The following LINS1 variants were observed in gnomAD, a reference collection of about 807,000 sequenced individuals.
The protein encoded by LINS1 is protein Lines homolog 1.
LINS1 carries 27 observed loss-of-function variants against 41.6 expected under a neutral mutation model. The observed-to-expected ratio is 0.65, with a 90% CI of 0.48 to 0.89. The LOEUF is 0.89. Among genes scored for constraint, LINS1 ranks in the 40% least tolerant of loss-of-function variants. The pLI is 0.00. For missense variants in LINS1, 955 were observed against 884.1 expected, an observed-to-expected ratio of 1.08 and a Z score of -1.02; for synonymous variants, 336 against 312.9, an observed-to-expected ratio of 1.07 and a Z score of -0.78.
chr15:100,583,708 A>G (rs2038673244), intron 1 of LINS1, among the ~76,000 whole-genome samples: 1 of 152,214 alleles, frequency 6.6e-6, no homozygotes, highest in Non-Finnish European at 1.5e-5. Context: ...CCCTTGTTTT[A>G]TTAATCCCTA....
intron 1 of LINS1, among the ~76,000 whole-genome samples, chr15:100,599,099 T>C (rs7176842): frequency 0.32 from 49,440 of 152,142 alleles, 9,271 homozygotes; most frequent in Non-Finnish European, 0.44. Flanking sequence ...TCAATTCTGA[T>C]TGAGTCAGGG....
chr15:100,595,299 A>C (rs1207450651), intron 1 of LINS1, among the ~76,000 whole-genome samples: 1 of 151,492 alleles, frequency 6.6e-6, no homozygotes, highest in East Asian at 1.9e-4. Context: ...GCACATGACT[A>C]GTACCTAGAA....
intron 1 of LINS1, among the ~76,000 whole-genome samples, chr15:100,592,853 T>C (rs2039097042): frequency 6.6e-6 from 1 of 152,234 alleles, no homozygotes; most frequent in Non-Finnish European, 1.5e-5. Context: ...TAGGCTGTTT[T>C]ATTGTGATCA....
At chr15:100,579,365 C>G (rs1462380013) in intron 3 of LINS1, among the ~76,000 whole-genome samples, 1 of 148,412 alleles carries the variant, frequency 6.7e-6, no homozygotes, top group Non-Finnish European at 1.5e-5. Context: ...ACTGTGGCCC[C>G]TTTACTTCAA....
At chr15:100,574,815 C>A (rs1391342290) in intron 4 of LINS1, among the ~76,000 whole-genome samples, 172 bp downstream of exon 4, 1 of 152,076 alleles carries the variant, frequency 6.6e-6, no homozygotes, top group East Asian at 1.9e-4. Context: ...TTTCCTTATA[C>A]TTTTTTTTCT....
At chr15:100,593,156 G>T (rs999257892) in intron 1 of LINS1, among the ~76,000 whole-genome samples, 1 of 152,156 alleles carries the variant, frequency 6.6e-6, no homozygotes, top group African/African-American at 2.4e-5. Flanking sequence ...CTGACGGAGG[G>T]TGCACAGGAT....
At chr15:100,570,152 G>A (rs1432173174) in intron 6 of LINS1, 35 bp from the exon 7 acceptor site, 2 of 1,484,826 alleles carry the variant, frequency 1.3e-6, no homozygotes, top group South Asian at 1.2e-5. Context: ...GCAGATTAAT[G>A]ACCTTACAAA....
intron 3 of LINS1, among the ~76,000 whole-genome samples, chr15:100,578,623 C>T (rs1424848433): frequency 1.3e-5 from 2 of 152,188 alleles, no homozygotes; most frequent in African/African-American, 4.8e-5. Context: ...GTGGCGATTC[C>T]TCAGGGATCT....
rs770055415 is a variant in LINS1, at chr15:100,569,609, A to AGCC, written c.1902_1903insGGC (p.Asp634_Ser635insGly). On this transcript the variant is annotated inframe_insertion, in exon 7 of 7. Coordinates refer to ENST00000314742, the MANE Select transcript of LINS1 (RefSeq NM_001040616.3). ...CACTGCTCTGTGGATTCCACGTCAG[A>AGCC]ATCGTCAGAGCTGTCGTAATCTACC... The AGCC allele has an allele frequency of 6.2e-7, 1 of 1,613,606 alleles. No individual in the cohort carries two copies. Among genetic ancestry groups the AGCC allele is most frequent in the Non-Finnish European group, 8.5e-7 (1 of 1,179,556 alleles).
At chr15:100,577,626 C>A (rs957005381) in intron 3 of LINS1, among the ~76,000 whole-genome samples, 4 of 152,170 alleles carry the variant, frequency 2.6e-5, no homozygotes, top group African/African-American at 9.7e-5. Flanking sequence ...TCAATGCCAT[C>A]CCCATCAAGC....
intron 1 of LINS1, among the ~76,000 whole-genome samples, chr15:100,600,197 G>GA (rs1190180413): frequency 6.6e-6 from 1 of 152,202 alleles, no homozygotes; most frequent in African/African-American, 2.4e-5. Context: ...GAGGTGGGCT[G>GA]AAAACGGTTG....
intron 1 of LINS1, among the ~76,000 whole-genome samples, chr15:100,595,390 CAA>C (rs1259735685): frequency 6.6e-6 from 1 of 151,524 alleles, no homozygotes. Flanking sequence ...GACATTTCAC[CAA>C]AGAGGATATA....
At position 100,570,070 on chromosome 15, in the gene LINS1, T is replaced by A; in HGVS notation, c.1442A>T (p.Asp481Val). 2 of 1,578,304 alleles carry A rather than the reference T, an allele frequency of 1.3e-6. No individual in the cohort carries two copies. Among genetic ancestry groups the A allele is most frequent in the Non-Finnish European group, 1.7e-6 (2 of 1,171,076 alleles). ...ESLTQGKEMW[D>V]HHTHENGYNP... Reference sequence around the variant, plus strand: ...ATAGCCATTTTCATGTGTGTGATGGTCCCACATTTCTTTTCCCTGAGTCAA... The same window carrying A: ...ATAGCCATTTTCATGTGTGTGATGGACCCACATTTCTTTTCCCTGAGTCAA... Residue 481 changes from aspartate (D) to valine (V), a missense_variant, in exon 7 of 7, where the codon GAC becomes GTC. Asp to Val is a radical substitution (Grantham distance 152). Coordinates refer to ENST00000314742, the MANE Select transcript of LINS1 (RefSeq NM_001040616.3).
chr15:100,588,328 C>G (rs1280044685), intron 1 of LINS1, among the ~76,000 whole-genome samples: 1 of 152,146 alleles, frequency 6.6e-6, no homozygotes, highest in African/African-American at 2.4e-5. Flanking sequence ...GGGTTCAATT[C>G]CTGGCTCAGG....
intron 1 of LINS1, among the ~76,000 whole-genome samples, chr15:100,598,560 A>G (rs527392320): frequency 9.2e-5 from 14 of 152,356 alleles, no homozygotes; most frequent in African/African-American, 3.4e-4. Context: ...CTGTGGTAGA[A>G]TACCATAGAA....
rs574281376 is a variant in LINS1, at chr15:100,569,030, A to G, written c.*208T>C. 2.0e-4 allele frequency: 83 copies of G among 423,126 alleles called. No individual in the cohort carries two copies. Among genetic ancestry groups the G allele is most frequent in the Non-Finnish European group, 3.1e-4 (72 of 233,424 alleles). 26.2% of individuals were successfully genotyped at this position (423,126 alleles called of 1,614,324 possible). On this transcript the variant is annotated 3_prime_UTR_variant, in exon 7 of 7. Coordinates refer to ENST00000314742, the MANE Select transcript of LINS1 (RefSeq NM_001040616.3). ...TTCCAGCTACTCGGGAGACTGAGGC[A>G]GGAGAATTGCTTGAACCCAGGAGGT...
intron 6 of LINS1, among the ~76,000 whole-genome samples, chr15:100,571,440 T>C (rs2037818110): frequency 6.6e-6 from 1 of 152,216 alleles, no homozygotes; most frequent in African/African-American, 2.4e-5. Context: ...TTTCAGACAT[T>C]TGCCTCAAGA....
intron 6 of LINS1, chr15:100,570,744 T>G (rs1435001790): frequency 6.6e-6 from 1 of 152,254 alleles, no homozygotes. Flanking sequence ...TGACTCCAAC[T>G]TGACCCTTTA....
chr15:100,585,611 G>C (rs946734617), intron 1 of LINS1, among the ~76,000 whole-genome samples: 1 of 152,192 alleles, frequency 6.6e-6, no homozygotes, highest in African/African-American at 2.4e-5. Context: ...AAACTGGCGA[G>C]CTTGTATTGC....
Sources: allele counts gnomAD v4.1 joint callset (sites outside exome capture counted in the v4.1 genomes callset), GRCh38; gene constraint gnomAD v4.1.1; transcripts MANE v1.5; gene names NCBI Gene and HGNC (gene_info 2026-07-23, HGNC 2026-07-21).